OLFM1: variants seen among roughly 807,000 people sequenced by gnomAD.
The protein encoded by OLFM1 is noelin.
In OLFM1, 9 loss-of-function variants were observed where a neutral mutation model predicts 49.7. That is an observed-to-expected ratio of 0.18 (90% CI 0.11 to 0.32). The LOEUF is 0.32. Among genes scored for constraint, OLFM1 ranks in the 10% least tolerant of loss-of-function variants. The pLI is 1.00. For missense variants in OLFM1, 369 were observed against 661.8 expected (o/e 0.56, Z 4.85); for synonymous variants, 240 against 271.8 (o/e 0.88, Z 1.15).
At chr9:135,111,077 C>T (rs1831015789) in intron 5 of OLFM1, among the ~76,000 whole-genome samples, 1 of 152,230 alleles carries the variant, frequency 6.6e-6, no homozygotes, top group African/African-American at 2.4e-5. Context: ...AGGAAAATCC[C>T]ACGTTCTCAG....
intron 5 of OLFM1, among the ~76,000 whole-genome samples, chr9:135,107,959 C>T (rs1285009441): frequency 6.6e-6 from 1 of 152,170 alleles, no homozygotes; most frequent in Non-Finnish European, 1.5e-5. Context: ...CTGGCACACT[C>T]CTTCCTTCCA....
At chr9:135,094,133 G>A (rs552183714) in intron 2 of OLFM1, among the ~76,000 whole-genome samples, 1 of 152,172 alleles carries the variant, frequency 6.6e-6, no homozygotes, top group South Asian at 2.1e-4. Flanking sequence ...CTGGACTGGC[G>A]CCGCCATTTG....
At chr9:135,102,561 C>T (rs564456749) in intron 4 of OLFM1, among the ~76,000 whole-genome samples, 2 of 152,312 alleles carry the variant, frequency 1.3e-5, no homozygotes, top group South Asian at 2.1e-4. Context: ...GCCCTTCCTG[C>T]CATGCGAGGA....
intron 1 of OLFM1, among the ~76,000 whole-genome samples, chr9:135,081,125 T>C (rs538328678): frequency 1.3e-4 from 20 of 152,214 alleles, no homozygotes; most frequent in African/African-American, 4.3e-4. Flanking sequence ...CCAGCAATCC[T>C]GGGCAGTTGT....
intron 1 of OLFM1, among the ~76,000 whole-genome samples, chr9:135,077,876 G>A (rs191178404): frequency 2.6e-5 from 4 of 152,314 alleles, no homozygotes; most frequent in South Asian, 2.1e-4. Context: ...GTGAAATCAC[G>A]TCAACGTTTC....
At chr9:135,083,754 G>A (rs1412894639), upstream of OLFM1, among the ~76,000 whole-genome samples, 1 of 152,222 alleles carries the variant, frequency 6.6e-6, no homozygotes, top group Admixed American at 6.5e-5. Flanking sequence ...GTCATTCGAG[G>A]GCCCTGGGCA....
rs143418115 is a variant in OLFM1 at position 135,111,057 on chromosome 9, C to T, written c.783+4202C>T. Among the ~76,000 whole-genome samples, 33 of 152,296 alleles carry T rather than the reference C, an allele frequency of 2.2e-4. No individual in the cohort carries two copies. In the East Asian group the frequency reaches 2.3e-3, roughly 11 times the overall value. On this transcript the variant is annotated intron_variant, in intron 5 of 5. Coordinates refer to ENST00000371793, the MANE Select transcript of OLFM1 (RefSeq NM_001282611.2). ...TCACTGGGAAGCTGATGAAAGTAATCGGGACAGTTAGGAAAATCCCACGTT... is the reference window on the plus strand; with the variant it reads ...TCACTGGGAAGCTGATGAAAGTAATTGGGACAGTTAGGAAAATCCCACGTT...
chr9:135,078,446 T>C (rs1487889941), intron 1 of OLFM1, among the ~76,000 whole-genome samples: 1 of 152,206 alleles, frequency 6.6e-6, no homozygotes, highest in Non-Finnish European at 1.5e-5. Context: ...GGCGGGGCCA[T>C]CTGTTCTCCC....
chr9:135,120,202 G>A lies in OLFM1; in HGVS notation c.*24G>A. On this transcript the variant is annotated 3_prime_UTR_variant, in exon 6 of 6. Coordinates refer to ENST00000371793, the MANE Select transcript of OLFM1 (RefSeq NM_001282611.2). ...AGCTCCCTCCTCCTGGAAGCCAAGG[G>A]CCCACGTCCTCACCACAAAGGGACT... 1 of 1,580,148 alleles carries A rather than the reference G, an allele frequency of 6.3e-7. No homozygotes were observed. Among genetic ancestry groups the A allele is most frequent in the Non-Finnish European group, 8.6e-7 (1 of 1,163,000 alleles).
rs1046611032 is a variant in OLFM1, at chr9:135,076,580, G to A, written c.96+778G>A. ...TGTCTGTGAGCGCCGAACTGGGAGG[G>A]TTGCTTTGGCACTATGGTGCTCGGA... On this transcript the variant is annotated intron_variant, in intron 1 of 5. Coordinates refer to the OLFM1 transcript ENST00000252854. 27 of 1,085,726 alleles carry A rather than the reference G, an allele frequency of 2.5e-5. No homozygotes were observed. The South Asian group carries it at 4.6e-4, about 18-fold the overall frequency. The allele number at this position is 1,085,726 out of a possible 1,614,324, so 67.3% of individuals were successfully genotyped here. A position where few individuals can be genotyped will look rare whatever the true frequency, so the allele number is the denominator to read the frequency against.
At chr9:135,091,768 G>GTC (rs1215305086) in intron 2 of OLFM1, among the ~76,000 whole-genome samples, 2 of 28,512 alleles carry the variant, frequency 7.0e-5, no homozygotes, top group Non-Finnish European at 1.4e-4. Flanking sequence ...CACTCACACA[G>GTC]TCACACACAC....
Position 135,077,218 on chromosome 9 carries a change from G to C in OLFM1, c.96+1416G>C, listed in dbSNP as rs1830480206. 2.7e-6 allele frequency: 4 copies of C among 1,509,010 alleles called. No homozygotes were observed. The South Asian group carries it at 5.2e-5, about 19-fold the overall frequency. The allele number at this position is 1,509,010 out of a possible 1,614,324, so 93.5% of individuals were successfully genotyped here. A position where few individuals can be genotyped will look rare whatever the true frequency, so the allele number is the denominator to read the frequency against. ...TGCAGAGAAGAGCCAACCAGGTCCT[G>C]ATTAGTGGCAAGCTGCCCCACAAAG... On this transcript the variant is annotated intron_variant, in intron 1 of 5. Coordinates refer to the OLFM1 transcript ENST00000252854.
intron 2 of OLFM1, 36 bp from the exon 3 acceptor site, chr9:135,095,828 G>A: frequency 6.2e-7 from 1 of 1,608,040 alleles, no homozygotes; most frequent in Non-Finnish European, 8.5e-7. Context: ...GGCACCTACT[G>A]CGGCTGTTTT....
chr9:135,089,584 G>C (rs1446636691), intron 1 of OLFM1, among the ~76,000 whole-genome samples: 1 of 152,226 alleles, frequency 6.6e-6, no homozygotes, highest in East Asian at 1.9e-4. Flanking sequence ...CAAGGAGCTG[G>C]AAACCTAGTG....
At chr9:135,077,328 C>T in intron 1 of OLFM1, 1 of 1,366,336 alleles carries the variant, frequency 7.3e-7, no homozygotes, top group South Asian at 2.0e-5. Flanking sequence ...CCCAAGGGCC[C>T]TCCAAGCCTT....
At chr9:135,101,269 C>T (rs1241092874) in intron 4 of OLFM1, among the ~76,000 whole-genome samples, 2 of 152,164 alleles carry the variant, frequency 1.3e-5, no homozygotes, top group Non-Finnish European at 2.9e-5. Context: ...CCCGCAGTTT[C>T]TTGGTGTGCC....
chr9:135,115,650 G>C (rs1831086866), intron 5 of OLFM1, among the ~76,000 whole-genome samples: 1 of 152,238 alleles, frequency 6.6e-6, no homozygotes, highest in Non-Finnish European at 1.5e-5. Flanking sequence ...CCACTTCCCA[G>C]TCAAGACAAT....
Position 135,088,192 on chromosome 9 carries a change from C to A in OLFM1, c.150+53C>A, listed in dbSNP as rs1830627128. ...GCGGCTCCTCCTCCTCCTCCTCCTC[C>A]CCCTCCTCGGTCCGGAGCCCCGGGC... On this transcript the variant is annotated intron_variant, in intron 1 of 5. Transcript: ENST00000371793. This position sits in a 1 kb window ranked among gnomAD's most constrained non-coding sequence, Gnocchi z 4.8. 1.6e-6 allele frequency: 2 copies of A among 1,251,602 alleles called. No individual in the cohort carries two copies. Among genetic ancestry groups the A allele is most frequent in the Admixed American group, 4.1e-5 (1 of 24,194 alleles). 77.5% of individuals were successfully genotyped at this position (1,251,602 alleles called of 1,614,324 possible). A position where few individuals can be genotyped will look rare whatever the true frequency, so the allele number is the denominator to read the frequency against.
chr9:135,100,390 C>T (rs59505854), intron 4 of OLFM1, among the ~76,000 whole-genome samples: 51 of 152,294 alleles, frequency 3.3e-4, no homozygotes, highest in African/African-American at 1.0e-3. Flanking sequence ...ATCACATGGC[C>T]GTCCTTGGGC....
Sources: gnomAD v4.1 joint callset for allele counts (sites outside exome capture counted in the v4.1 genomes callset) on GRCh38, gnomAD v4.1.1 for gene constraint, Gnocchi (gnomAD v3.1) non-coding constraint, MANE v1.5 for transcripts, NCBI Gene and HGNC (gene_info 2026-07-23, HGNC 2026-07-21) for gene names.